The following TNFSF10 variants were observed in gnomAD, a reference collection of about 807,000 sequenced individuals.
The protein encoded by TNFSF10 is tumor necrosis factor ligand superfamily member 10.
A neutral mutation model predicts 29.5 loss-of-function variants in TNFSF10; 13 were observed. The observed-to-expected ratio is 0.44, with a 90% CI of 0.29 to 0.70. The LOEUF is 0.70. Ranked by LOEUF, TNFSF10 falls within the 30% of genes least tolerant of loss-of-function variation. TNFSF10 has a pLI of 0.13. For missense variants in TNFSF10, 345 were observed against 330.9 expected (o/e 1.04, Z -0.33); for synonymous variants, 111 against 112.8 (o/e 0.98, Z 0.10).
At chr3:172,519,824 A>G (rs763431399) in intron 1 of TNFSF10, among the ~76,000 whole-genome samples, 2 of 152,232 alleles carry the variant, frequency 1.3e-5, no homozygotes, top group Non-Finnish European at 2.9e-5. Flanking sequence ...TGCACAATTT[A>G]TACTTTTCTG....
chr3:172,517,800 AG>A, intron 1 of TNFSF10: 1 of 982,404 alleles, frequency 1.0e-6, no homozygotes, highest in Non-Finnish European at 1.2e-6. Flanking sequence ...AAAAATAAAA[AG>A]GAAAAAAAGT....
At chr3:172,517,045 G>A (rs959943766) in intron 1 of TNFSF10, among the ~76,000 whole-genome samples, 41 of 152,212 alleles carry the variant, frequency 2.7e-4, no homozygotes, top group African/African-American at 9.2e-4. Context: ...GGGGCAAGAA[G>A]GTGTGCATAA....
At chr3:172,518,802 AGT>A (rs1223952078) in intron 1 of TNFSF10, among the ~76,000 whole-genome samples, 1 of 152,228 alleles carries the variant, frequency 6.6e-6, no homozygotes, top group Non-Finnish European at 1.5e-5. Context: ...ACTTTTCCAA[AGT>A]CTACACAGAA....
chr3:172,511,139 G>A (rs146659433), intron 3 of TNFSF10, among the ~76,000 whole-genome samples: 14 of 152,282 alleles, frequency 9.2e-5, no homozygotes, highest in Non-Finnish European at 1.5e-4. Context: ...GGTGGAGACC[G>A]CAGGATGAGG....
chr3:172,515,519 G>C (rs1337705599), intron 1 of TNFSF10, among the ~76,000 whole-genome samples: 1 of 152,196 alleles, frequency 6.6e-6, no homozygotes, highest in Non-Finnish European at 1.5e-5. Flanking sequence ...TAGCTAAATA[G>C]ATTCTAGTTA....
At position 172,523,209 on chromosome 3, in the gene TNFSF10, T is replaced by TTAG. The variant is rs760531983; in HGVS notation, c.132+43_132+44insCTA. The stretch of plus-strand genomic sequence containing the variant: ...ATGCAAAGAAGCAGGTAACCAGACA[T>TTAG]TTGCTAAGCGCCTCGAAGACTGAGT... On this transcript the variant is annotated intron_variant, in intron 1 of 4. Transcript: ENST00000241261. The TTAG allele has an allele frequency of 1.8e-5, 27 of 1,534,080 alleles. No homozygotes were observed. The Admixed American group carries it at 3.4e-4, about 19-fold the overall frequency.
chr3:172,518,332 T>C, intron 1 of TNFSF10: 2 of 1,251,486 alleles, frequency 1.6e-6, no homozygotes, highest in Non-Finnish European at 2.1e-6. Flanking sequence ...ACGGTGGTTG[T>C]CTAGGCCAGG....
At chr3:172,516,598 A>G (rs537987696) in intron 1 of TNFSF10, among the ~76,000 whole-genome samples, 1 of 152,126 alleles carries the variant, frequency 6.6e-6, no homozygotes, top group Non-Finnish European at 1.5e-5. Context: ...TTTTAAACAA[A>G]TGTTTATTTT....
chr3:172,509,206 G>T lies in TNFSF10; in HGVS notation c.418+11C>A, dbSNP rs1257097980. ...TTTTCCCTTAAGTCACTTATTTGTT[G>T]TTTCTCTTACTTGGAGAAGACAATG... is the stretch of plus-strand genomic sequence containing the variant. On this transcript the variant is annotated intron_variant, in intron 4 of 4. Coordinates refer to ENST00000241261, the MANE Select transcript of TNFSF10 (RefSeq NM_003810.4). 1.9e-6 allele frequency: 3 copies of T among 1,605,168 alleles called. No individual in the cohort carries two copies. The highest frequency in any genetic ancestry group is 2.6e-6 in the Non-Finnish European group (3 of 1,174,766).
At position 172,515,989 on chromosome 3, in the gene TNFSF10, GC is replaced by G. The variant is rs1248737038; in HGVS notation, c.133-992del. On this transcript the variant is annotated intron_variant, in intron 1 of 4. Transcript: ENST00000241261. ...AAAAAATCTGCTGAATTGGCCAGGC[GC>G]GGTGGCTCATGCCTATAATCCCAGC... Among the ~76,000 whole-genome samples, 51 of 152,260 alleles carry G rather than the reference GC, an allele frequency of 3.3e-4. 1 individual carries two copies. In the Middle Eastern group the frequency reaches 0.014, roughly 41 times the overall value.
At chr3:172,515,061 G>T (rs1284339777) in intron 1 of TNFSF10, 63 bp from the exon 2 acceptor site, 2 of 1,606,754 alleles carry the variant, frequency 1.2e-6, no homozygotes, top group Non-Finnish European at 8.5e-7. Flanking sequence ...TGTTCATTTG[G>T]AAGTTAAGAC....
At chr3:172,518,626 A>T (rs576289073) in intron 1 of TNFSF10, among the ~76,000 whole-genome samples, 6 of 152,284 alleles carry the variant, frequency 3.9e-5, no homozygotes, top group African/African-American at 1.4e-4. Context: ...TTTGTTGTTC[A>T]TGTTTGCTGG....
intron 1 of TNFSF10, among the ~76,000 whole-genome samples, chr3:172,520,649 C>T (rs1003235795): frequency 6.6e-6 from 1 of 152,112 alleles, no homozygotes; most frequent in Non-Finnish European, 1.5e-5. Context: ...ATGTAGTGAA[C>T]CACAAGTATT....
At chr3:172,509,963 A>ATTTGTTAAG in intron 3 of TNFSF10, among the ~76,000 whole-genome samples, 1 of 145,496 alleles carries the variant, frequency 6.9e-6, no homozygotes, top group South Asian at 2.2e-4. Flanking sequence ...TGGGCAACAG[A>ATTTGTTAAG]GCAAGACTCC....
rs1457522310 is a variant in TNFSF10 at position 172,506,548 on chromosome 3, G to C, written c.790C>G (p.His264Asp). ...GCTTCATGGTCCATGTCTATCAAGT[G>C]CTCATTTGTTACAGAAACAAAAATT... is the stretch of plus-strand genomic sequence containing the variant. ...DRIFVSVTNE[H>D]LIDMDHEASF... The change falls in exon 5 of 5, where the codon CAC becomes GAC. Residue 264 changes from histidine (H) to aspartate (D), a missense_variant. Transcript: ENST00000241261. 1.2e-6 allele frequency: 2 copies of C among 1,613,916 alleles called. No individual in the cohort carries two copies. Among genetic ancestry groups the C allele is most frequent in the African/African-American group, 2.7e-5 (2 of 74,906 alleles).
In TNFSF10 at chr3:172,513,825, G is replaced by A. The variant is rs959064854; in HGVS notation, c.270+1036C>T. Among the ~76,000 whole-genome samples, 194 of 145,628 alleles carry A rather than the reference G, an allele frequency of 1.3e-3. 1 individual carries two copies. Among genetic ancestry groups the A allele is most frequent in the African/African-American group, 4.8e-3 (180 of 37,704 alleles). ...GTTCTCATCTGATATTTTCACATAGGCAGAAGCAATTTTTTTTTTTTTTTG... is the reference window on the plus strand; with the variant it reads ...GTTCTCATCTGATATTTTCACATAGACAGAAGCAATTTTTTTTTTTTTTTG... On this transcript the variant is annotated intron_variant, in intron 2 of 4. Transcript: ENST00000241261.
chr3:172,511,783 G>T, intron 2 of TNFSF10, 124 bp from the exon 3 acceptor site: 16 of 703,032 alleles, frequency 2.3e-5, no homozygotes, highest in Non-Finnish European at 2.3e-5. Flanking sequence ...AATCTGGGAA[G>T]TTTTAAGTTG....
rs1713370419 is a variant in TNFSF10 at position 172,514,944 on chromosome 3, T to G, written c.187A>C (p.Ser63Arg). ...TCTTCGTCATTGGGGTCCCAATAAC[T>G]GTCATCTTCTTTTAAGAAACAAGCA... ...GIACFLKEDD[S>R]YWDPNDEESM... Residue 63 changes from serine (S) to arginine (R), a missense_variant, in exon 2 of 5, where the codon AGT (serine) becomes CGT (arginine). Transcript: ENST00000241261. 1 of 1,614,088 alleles carries G rather than the reference T, an allele frequency of 6.2e-7. No homozygotes were observed. Among genetic ancestry groups the G allele is most frequent in the Non-Finnish European group, 8.5e-7 (1 of 1,180,030 alleles).
intron 1 of TNFSF10, among the ~76,000 whole-genome samples, chr3:172,519,731 G>A (rs769989918): frequency 2.2e-4 from 34 of 152,078 alleles, no homozygotes; most frequent in Non-Finnish European, 4.7e-4. Flanking sequence ...AAAAATTTCC[G>A]ACTGATTGGG....
Sources: allele counts gnomAD v4.1 joint callset (sites outside exome capture counted in the v4.1 genomes callset), GRCh38; gene constraint gnomAD v4.1.1; transcripts MANE v1.5; gene names NCBI Gene and HGNC (gene_info 2026-07-23, HGNC 2026-07-21).